The following PLCD1 variants were observed in gnomAD, a reference collection of about 807,000 sequenced individuals.
PLCD1 encodes the protein 1-phosphatidylinositol 4,5-bisphosphate phosphodiesterase delta-1.
In PLCD1, 71 loss-of-function variants were observed where a neutral mutation model predicts 87.4. That is an observed-to-expected ratio of 0.81 (90% CI 0.67 to 0.99). The LOEUF (loss-of-function observed/expected upper bound fraction) is 0.99. PLCD1 is among the 50% of genes least tolerant of loss of function. The probability of loss-of-function intolerance (pLI) is 0.00; values close to 1 mark genes in which losing one functional copy is unlikely to be tolerated. For missense variants in PLCD1, 867 were observed against 1,001.5 expected (o/e 0.87, Z 1.81); for synonymous variants, 348 against 399.2 (o/e 0.87, Z 1.53).
chr3:38,009,292 A>C lies in PLCD1; in HGVS notation c.1586T>G (p.Leu529Arg). The change falls in exon 10 of 15, where the codon CTT becomes CGT. Residue 529 changes from leucine (L) to arginine (R), a missense_variant. Leu to Arg is a moderately radical substitution (Grantham distance 102). Transcript: ENST00000334661. ...EMASFSENRA[L>R]RLLQESGNGF... ...CTCACCTGATTCTTGGAGCAGTCGAAGGGCACGGTTCTCAGAGAAGGACGC... is the reference window on the plus strand; with the variant it reads ...CTCACCTGATTCTTGGAGCAGTCGACGGGCACGGTTCTCAGAGAAGGACGC... The C allele has an allele frequency of 6.2e-7, 1 of 1,614,162 alleles. No homozygotes were observed. Among genetic ancestry groups the C allele is most frequent in the Non-Finnish European group, 8.5e-7 (1 of 1,180,020 alleles).
rs560142185 is a variant in PLCD1 at position 38,009,360 on chromosome 3, G to A, written c.1518C>T (p.Gly506=). The A allele has an allele frequency of 3.1e-6, 5 of 1,614,114 alleles. No homozygotes were observed. The South Asian group carries it at 5.5e-5, about 18-fold the overall frequency. The part of the protein sequence containing the change: ...VIYCKSVHFG[G]FSSPGTPGQA... ...GTCCAGGGGTGCCAGGACTGGAGAA[G>A]CCCCCAAAGTGGACACTCTTGCAGT... The change falls in exon 10 of 15, where the codon GGC becomes GGT. Residue 506 remains glycine (G), a synonymous_variant. Transcript: ENST00000334661.
At position 38,010,280 on chromosome 3, in the gene PLCD1, G is replaced by A. The variant is rs200538442; in HGVS notation, c.993-5C>T. 197 of 1,614,210 alleles carry A rather than the reference G, an allele frequency of 1.2e-4. No homozygotes were observed. The highest frequency in any genetic ancestry group is 5.1e-4 in the East Asian group (23 of 44,874). On this transcript the variant is annotated splice_polypyrimidine_tract_variant and splice_region_variant and intron_variant, in intron 6 of 14. Coordinates refer to ENST00000334661, the MANE Select transcript of PLCD1 (RefSeq NM_006225.4). ...CGGCAGCCTTTGCACAGTGCCCTGCGGGGAGGGTGGTGGCTAGGACCCTCC... is the reference window on the plus strand; with the variant it reads ...CGGCAGCCTTTGCACAGTGCCCTGCAGGGAGGGTGGTGGCTAGGACCCTCC...
rs1461993811 is a variant in PLCD1, at chr3:38,009,095, G to C, written c.1670C>G (p.Thr557Arg). Reference sequence around the variant, plus strand: ...CACGGGGCTGTAGTTGGAGGAGTCTGTTCTCCATCCAGCCGGGTAGATTCT... The same window carrying C: ...CACGGGGCTGTAGTTGGAGGAGTCTCTTCTCCATCCAGCCGGGTAGATTCT... ...LSRIYPAGWR[T>R]DSSNYSPVEM... The change falls in exon 11 of 15, where the codon ACA becomes AGA. Residue 557 changes from threonine (T) to arginine (R), a missense_variant. By Grantham distance (71) the Thr-to-Arg change is moderately conservative. Transcript: ENST00000334661. 6.2e-7 allele frequency: 1 copy of C among 1,614,014 alleles called. No homozygotes were observed.
rs1171940640 is a variant in PLCD1 at position 38,024,750 on chromosome 3, T to C, written c.35-4398A>G. 10 of 1,347,006 alleles carry C rather than the reference T, an allele frequency of 7.4e-6. 1 individual carries two copies. In the South Asian group the frequency reaches 1.2e-4, roughly 16 times the overall value. The allele number at this position is 1,347,006 out of a possible 1,614,324, so 83.4% of individuals were successfully genotyped here. A position where few individuals can be genotyped will look rare whatever the true frequency, so the allele number is the denominator to read the frequency against. Reference sequence around the variant, plus strand: ...GCGAAACCGAGGCAAAGTAAATGAGTGGGGGGAGTCAGAATACAGGAGGCG... The same window carrying C: ...GCGAAACCGAGGCAAAGTAAATGAGCGGGGGGAGTCAGAATACAGGAGGCG... On this transcript the variant is annotated intron_variant, in intron 1 of 14. Coordinates refer to ENST00000334661, the MANE Select transcript of PLCD1 (RefSeq NM_006225.4).
In PLCD1 at chr3:38,007,570, T is replaced by A. The variant is rs1433266749; in HGVS notation, c.*203A>T. On this transcript the variant is annotated 3_prime_UTR_variant, in exon 15 of 15. Transcript: ENST00000334661. The stretch of plus-strand genomic sequence containing the variant: ...AGGGTGGAGAGGGCTGCAGTGTTAT[T>A]CCTAACGGAATGAAGGACAGCTCCA... The A allele has an allele frequency of 1.4e-6, 1 of 698,224 alleles. No individual in the cohort carries two copies. Among genetic ancestry groups the A allele is most frequent in the Non-Finnish European group, 2.6e-6 (1 of 383,210 alleles). 43.3% of individuals were successfully genotyped at this position (698,224 alleles called of 1,614,324 possible). A position where few individuals can be genotyped will look rare whatever the true frequency, so the allele number is the denominator to read the frequency against.
At chr3:38,024,356 C>T (rs763522883) in intron 1 of PLCD1, 7 of 1,612,936 alleles carry the variant, frequency 4.3e-6, no homozygotes, top group South Asian at 2.2e-5. Context: ...GTCCATTGAG[C>T]GCCGCCACCT....
intron 5 of PLCD1, 35 bp downstream of exon 5, chr3:38,011,179 C>T (rs752448069): frequency 5.2e-6 from 8 of 1,527,484 alleles, no homozygotes; most frequent in Admixed American, 3.4e-5. Context: ...TGCGGCCCTG[C>T]GACTGCAGGT....
At position 38,011,211 on chromosome 3, in the gene PLCD1, C is replaced by T; in HGVS notation, c.790+3G>A. 1 of 1,603,376 alleles carries T rather than the reference C, an allele frequency of 6.2e-7. No homozygotes were observed. The highest frequency in any genetic ancestry group is 8.5e-7 in the Non-Finnish European group (1 of 1,176,048). On this transcript the variant is annotated splice_donor_region_variant and intron_variant, in intron 5 of 14. Coordinates refer to ENST00000334661, the MANE Select transcript of PLCD1 (RefSeq NM_006225.4). ...AGGTAGCAGGCCCTGGTCAGGCTCT[C>T]ACCAGTCTCGCTGGGCTCGTAGCGC...
rs748935892 is a variant in PLCD1 at position 38,008,318 on chromosome 3, A to G, written c.1952T>C (p.Ile651Thr). 5.0e-6 allele frequency: 8 copies of G among 1,614,222 alleles called. No individual in the cohort carries two copies. The highest frequency in any genetic ancestry group is 2.2e-5 in the East Asian group (1 of 44,890). The stretch of plus-strand genomic sequence containing the variant: ...CTCCACTGTCACTTTGGGGTCCACA[A>G]TTGAATTCTTATTCTTGTTGACTTT... ...LPKVNKNKNS[I>T]VDPKVTVEIH... The change falls in exon 13 of 15, where the codon ATT becomes ACT. Residue 651 changes from isoleucine (I) to threonine (T), a missense_variant. Ile to Thr is a moderately conservative substitution (Grantham distance 89, BLOSUM62 -1). Transcript: ENST00000334661.
intron 3 of PLCD1, chr3:38,014,792 A>C (rs1700130769): frequency 6.6e-6 from 1 of 152,388 alleles, no homozygotes; most frequent in South Asian, 2.1e-4. Flanking sequence ...TAATAAAGAC[A>C]AATGATCCAA....
chr3:38,029,227 C>G (rs961175268), intron 1 of PLCD1, among the ~76,000 whole-genome samples: 4 of 152,262 alleles, frequency 2.6e-5, no homozygotes, highest in African/African-American at 9.6e-5. Context: ...ACAAGGGGGT[C>G]CGCGAGGCGG....
chr3:38,009,974 T>G lies in PLCD1; in HGVS notation c.1217A>C (p.His406Pro), dbSNP rs140647901. Residue 406 changes from histidine to proline, a missense_variant, in exon 8 of 15, where the codon CAT (histidine) becomes CCT (proline). Coordinates refer to ENST00000334661, the MANE Select transcript of PLCD1 (RefSeq NM_006225.4). ...EQQRVMARHL[H>P]AILGPMLLNR... ...CAACAGCATGGGGCCCAGGATGGCATGCAGGTGCCGCGCCATCACGCGCTG... is the reference window on the plus strand; with the variant it reads ...CAACAGCATGGGGCCCAGGATGGCAGGCAGGTGCCGCGCCATCACGCGCTG... 2.7e-4 allele frequency: 429 copies of G among 1,613,942 alleles called. 1 individual carries two copies. Among genetic ancestry groups the G allele is most frequent in the South Asian group, 7.2e-4 (66 of 91,082 alleles).
intron 3 of PLCD1, among the ~76,000 whole-genome samples, chr3:38,012,265 C>G (rs1358283395): frequency 6.6e-6 from 1 of 151,670 alleles, no homozygotes; most frequent in African/African-American, 2.4e-5. Context: ...CTGCTTTGAC[C>G]TCCCAAAGTG....
chr3:38,009,757 G>C lies in PLCD1; in HGVS notation c.1342C>G (p.Pro448Ala). Residue 448 changes from proline (P) to alanine (A), a missense_variant, in exon 9 of 15, where the codon CCT (proline) becomes GCT (alanine). By Grantham distance (27) the Pro-to-Ala change is conservative. Transcript: ENST00000334661. Reference protein sequence around the residue: ...KGKKLGGLLPPGGEGGPEATV... With the variant: ...KGKKLGGLLPAGGEGGPEATV... The stretch of plus-strand genomic sequence containing the variant: ...GCCTCAGGGCCACCCTCCCCTCCAG[G>C]GGGCAGGAGCCCCCCGAGCTTCTTC... 1 of 1,614,044 alleles carries C rather than the reference G, an allele frequency of 6.2e-7. No individual in the cohort carries two copies. The highest frequency in any genetic ancestry group is 8.5e-7 in the Non-Finnish European group (1 of 1,179,998).
intron 2 of PLCD1, among the ~76,000 whole-genome samples, 154 bp from the exon 3 acceptor site, chr3:38,016,873 G>A (rs909473638): frequency 3.3e-5 from 5 of 152,206 alleles, no homozygotes; most frequent in African/African-American, 7.2e-5. Context: ...GGAAAGGAGA[G>A]GGGCAGGAGG....
intron 2 of PLCD1, among the ~76,000 whole-genome samples, chr3:38,019,841 C>T (rs79875774): frequency 0.02 from 3,024 of 152,290 alleles, 110 homozygotes; most frequent in African/African-American, 0.068. Flanking sequence ...CCGTCCAACT[C>T]CCTCCCTGCT....
intron 3 of PLCD1, among the ~76,000 whole-genome samples, chr3:38,013,648 G>A (rs565975588): frequency 3.3e-5 from 5 of 152,196 alleles, no homozygotes; most frequent in Non-Finnish European, 7.4e-5. Flanking sequence ...TTTAATGACT[G>A]TATAATGTTC....
In PLCD1 at chr3:38,025,401, C is replaced by G. The variant is rs1016971828; in HGVS notation, c.34+4105G>C. 6.6e-6 allele frequency among the ~76,000 whole-genome samples: 1 copy of G among 152,078 alleles called. No individual in the cohort carries two copies. Among genetic ancestry groups the G allele is most frequent in the African/African-American group, 2.4e-5 (1 of 41,414 alleles). On this transcript the variant is annotated intron_variant, in intron 1 of 14. Transcript: ENST00000334661. This position sits in a 1 kb window ranked among gnomAD's most constrained non-coding sequence, Gnocchi z 4.0. ...AGGTGGATGGCAGTCTAGCGGGGAC[C>G]TGAGTGGGGCGAGATCAGGCGGGAC...
In PLCD1 at chr3:38,007,706, G is replaced by T. The variant is rs1426001613; in HGVS notation, c.*67C>A. On this transcript the variant is annotated 3_prime_UTR_variant, in exon 15 of 15. Coordinates refer to ENST00000334661, the MANE Select transcript of PLCD1 (RefSeq NM_006225.4). ...CAAGAGGCTGGGAGCAGCCACACCA[G>T]CCCTGTCCCCACATGTGGACAGAGG... The T allele has an allele frequency of 8.2e-6, 10 of 1,214,114 alleles. No homozygotes were observed. Among genetic ancestry groups the T allele is most frequent in the Non-Finnish European group, 1.1e-5 (9 of 819,500 alleles). 75.2% of individuals were successfully genotyped at this position (1,214,114 alleles called of 1,614,324 possible).
Sources: allele counts gnomAD v4.1 joint callset (sites outside exome capture counted in the v4.1 genomes callset), GRCh38; gene constraint gnomAD v4.1.1; non-coding constraint Gnocchi (gnomAD v3.1); transcripts MANE v1.5; gene names NCBI Gene and HGNC (gene_info 2026-07-23, HGNC 2026-07-21).